SOX5: variants seen among roughly 807,000 people sequenced by gnomAD.
The protein encoded by SOX5 is transcription factor SOX-5.
A neutral mutation model predicts 92.0 loss-of-function variants in SOX5; 9 were observed. The observed-to-expected ratio is 0.10, with a 90% CI of 0.06 to 0.17. The LOEUF (loss-of-function observed/expected upper bound fraction) is 0.17. SOX5 is among the 10% of genes least tolerant of loss of function. The pLI, the probability that SOX5 is intolerant of heterozygous loss-of-function variation, is 1.00. For synonymous variants in SOX5, 344 were observed against 336.3 expected, an observed-to-expected ratio of 1.02 and a Z score of -0.25; for missense variants, 642 against 944.5, an observed-to-expected ratio of 0.68 and a Z score of 4.20.
intron 3 of SOX5, among the ~76,000 whole-genome samples, chr12:23,826,541 T>A (rs2096237743): frequency 6.6e-6 from 1 of 152,238 alleles, no homozygotes; most frequent in Admixed American, 6.5e-5. Flanking sequence ...TGGAGAGCTA[T>A]ACTATATAAG....
At chr12:24,249,431 TA>T (rs951678310) in intron 3 of SOX5, among the ~76,000 whole-genome samples, 20 of 152,126 alleles carry the variant, frequency 1.3e-4, no homozygotes, top group East Asian at 5.8e-4. Flanking sequence ...ACAAGCCCTT[TA>T]AAAAAAATCA....
intron 2 of SOX5, among the ~76,000 whole-genome samples, chr12:24,281,473 T>C (rs2140417039): frequency 6.6e-6 from 1 of 152,338 alleles, no homozygotes; most frequent in African/African-American, 2.4e-5. Context: ...GGTCACCATT[T>C]TCTACGGCTG....
chr12:24,303,712 AT>A (rs1948252606), intron 2 of SOX5, among the ~76,000 whole-genome samples: 1 of 152,144 alleles, frequency 6.6e-6, no homozygotes, highest in African/African-American at 2.4e-5. Context: ...AAGGTCACCG[AT>A]TCCTTCTCCT....
chr12:23,979,707 GTTT>G (rs1177945407), intron 4 of SOX5, among the ~76,000 whole-genome samples: 9 of 77,496 alleles, frequency 1.2e-4, no homozygotes, highest in East Asian at 4.3e-4. Flanking sequence ...TGTTTTTTTT[GTTT>G]TTTTTTTTTT....
chr12:24,145,211 AC>A (rs1247106963), intron 4 of SOX5, among the ~76,000 whole-genome samples: 4 of 152,228 alleles, frequency 2.6e-5, no homozygotes, highest in African/African-American at 9.6e-5. Context: ...TCTAGCTTAT[AC>A]CTCAAAGAAG....
chr12:23,791,326 T>C (rs1015577305), intron 3 of SOX5, among the ~76,000 whole-genome samples: 2 of 152,224 alleles, frequency 1.3e-5, no homozygotes, highest in South Asian at 2.1e-4. Flanking sequence ...AGTCTCACTA[T>C]GTTGCCCAGG....
intron 2 of SOX5, among the ~76,000 whole-genome samples, chr12:24,342,708 CCCTGA>C (rs1718534245): frequency 6.6e-6 from 1 of 152,210 alleles, no homozygotes. Flanking sequence ...TAACTGACCT[CCCTGA>C]CTTTGGTCTT....
chr12:24,542,429 G>A (rs1453451852), intron 1 of SOX5, among the ~76,000 whole-genome samples: 6 of 152,250 alleles, frequency 3.9e-5, no homozygotes, highest in East Asian at 1.9e-4. Context: ...TAATACACTC[G>A]ATAGCACTTA....
intron 2 of SOX5, among the ~76,000 whole-genome samples, chr12:23,887,453 C>A (rs1302490828): frequency 6.6e-6 from 1 of 152,172 alleles, no homozygotes; most frequent in African/African-American, 2.4e-5. Flanking sequence ...TTATTTTTAA[C>A]TTCCAAATAT....
chr12:23,945,829 G>A (rs756633132), intron 1 of SOX5, among the ~76,000 whole-genome samples: 1 of 151,862 alleles, frequency 6.6e-6, no homozygotes, highest in Non-Finnish European at 1.5e-5. Context: ...TGAGCACAAC[G>A]GATTTTTTTG....
chr12:23,739,076 T>A (rs1427776249), intron 5 of SOX5, among the ~76,000 whole-genome samples: 1 of 152,182 alleles, frequency 6.6e-6, no homozygotes, highest in East Asian at 1.9e-4. Context: ...GAGTATTTCT[T>A]CATGCCATTC....
At chr12:23,954,752 G>C (rs2081035177), upstream of SOX5, among the ~76,000 whole-genome samples, 1 of 151,906 alleles carries the variant, frequency 6.6e-6, no homozygotes, top group South Asian at 2.1e-4. Flanking sequence ...TTGTCAGTTG[G>C]TTAGAATACA....
chr12:24,398,110 A>G (rs1254238972), intron 1 of SOX5, among the ~76,000 whole-genome samples: 1 of 152,164 alleles, frequency 6.6e-6, no homozygotes, highest in East Asian at 1.9e-4. Context: ...TCGGCCTCCC[A>G]AAGTGCTGGT....
intron 3 of SOX5, among the ~76,000 whole-genome samples, chr12:23,844,077 G>T (rs145036239): frequency 6.6e-6 from 1 of 152,242 alleles, no homozygotes; most frequent in East Asian, 1.9e-4. Flanking sequence ...ACTTAGGCTT[G>T]CCTACCTTAA....
intron 13 of SOX5, among the ~76,000 whole-genome samples, chr12:23,540,109 G>C (rs1173700261): frequency 7.3e-6 from 1 of 137,184 alleles, no homozygotes; most frequent in Non-Finnish European, 1.6e-5. Context: ...AAAAAAAAAA[G>C]AGAGAAAAAA....
intron 1 of SOX5, among the ~76,000 whole-genome samples, chr12:24,385,926 C>CAAAAAAAAAAAAAA (rs35813329): frequency 3.3e-4 from 24 of 73,338 alleles, no homozygotes; most frequent in Non-Finnish European, 3.8e-4. Context: ...GACCTTGTCA[C>CAAAAAAAAAAAAAA]AAAAAAAAAA....
At chr12:23,565,689 A>C (rs116656516) in intron 10 of SOX5, among the ~76,000 whole-genome samples, 1 of 152,364 alleles carries the variant, frequency 6.6e-6, no homozygotes, top group African/African-American at 2.4e-5. Context: ...CTGTGCAGGT[A>C]GAAATAACTG....
intron 3 of SOX5, among the ~76,000 whole-genome samples, chr12:23,818,392 T>G (rs948621012): frequency 6.6e-6 from 1 of 152,126 alleles, no homozygotes; most frequent in Non-Finnish European, 1.5e-5. Context: ...ACAGAAAAGA[T>G]ACAGTAGAAA....
chr12:24,009,425 A>C (rs538101526), intron 4 of SOX5, among the ~76,000 whole-genome samples: 1 of 116,306 alleles, frequency 8.6e-6, no homozygotes, highest in Admixed American at 8.7e-5. Flanking sequence ...ACTTATTTGC[A>C]TCCTATATTT....
Sources: allele counts gnomAD v4.1 joint callset (sites outside exome capture counted in the v4.1 genomes callset), GRCh38; gene constraint gnomAD v4.1.1; transcripts MANE v1.5; gene names NCBI Gene and HGNC (gene_info 2026-07-23, HGNC 2026-07-21).